The following ATG13 variants were observed in gnomAD, a reference collection of about 807,000 sequenced individuals.
ATG13 encodes autophagy related 13.
In ATG13, 23 loss-of-function variants were observed where a neutral mutation model predicts 65.5. That is an observed-to-expected ratio of 0.35 (90% CI 0.25 to 0.50). The LOEUF (loss-of-function observed/expected upper bound fraction) is 0.50, where lower values mean the gene tolerates loss of function less well. Ranked by LOEUF, ATG13 falls within the 20% of genes least tolerant of loss-of-function variation. The pLI is 0.98. For missense variants in ATG13, 566 were observed against 677.0 expected, an observed-to-expected ratio of 0.84 and a Z score of 1.82; for synonymous variants, 252 against 245.2, an observed-to-expected ratio of 1.03 and a Z score of -0.26.
intron 1 of ATG13, chr11:46,618,182 G>A (rs2045960723): frequency 9.4e-6 from 3 of 320,478 alleles, no homozygotes; most frequent in Non-Finnish European, 1.7e-5. Flanking sequence ...TAACTCCGGG[G>A]TTGGGTGCCA....
Position 46,656,230 on chromosome 11 carries a change from C to T in ATG13, c.459-3C>T. The T allele has an allele frequency of 6.2e-7, 1 of 1,612,038 alleles. No homozygotes were observed. The highest frequency in any genetic ancestry group is 8.5e-7 in the Non-Finnish European group (1 of 1,178,318). ...AACATTTCTTATTTTTTCTTCCATA[C>T]AGGATATATTTTGGAGAAGTTCAGC... On this transcript the variant is annotated splice_polypyrimidine_tract_variant and splice_region_variant and intron_variant, in intron 7 of 18. Transcript: ENST00000683050.
Position 46,665,415 on chromosome 11 carries a change from C to A in ATG13, c.1032C>A (p.Pro344=), listed in dbSNP as rs1404552845. 6.2e-7 allele frequency: 1 copy of A among 1,614,138 alleles called. No homozygotes were observed. Among genetic ancestry groups the A allele is most frequent in the Non-Finnish European group, 8.5e-7 (1 of 1,180,016 alleles). Residue 344 remains proline, a synonymous_variant, in exon 14 of 19, where the codon CCC becomes CCA. Coordinates refer to ENST00000683050, the MANE Select transcript of ATG13 (RefSeq NM_001346311.2). ...LMVPGKEGGV[P]LAPNQPVHGT... Reference sequence around the variant, plus strand: ...TTCCTGGGAAGGAAGGTGGGGTACCCCTTGCTCCCAACCAGCCTGTCCATG... The same window carrying A: ...TTCCTGGGAAGGAAGGTGGGGTACCACTTGCTCCCAACCAGCCTGTCCATG...
Position 46,672,974 on chromosome 11 carries a change from A to G in ATG13, c.*642A>G. 2.7e-6 allele frequency: 1 copy of G among 376,096 alleles called. No homozygotes were observed. The highest frequency in any genetic ancestry group is 4.5e-6 in the Non-Finnish European group (1 of 222,014). 23.3% of individuals were successfully genotyped at this position (376,096 alleles called of 1,614,324 possible). A position where few individuals can be genotyped will look rare whatever the true frequency, so the allele number is the denominator to read the frequency against. Reference sequence around the variant, plus strand: ...CCCTGAAGGTCGGGAGGGTCTGAGCAGCCCTGGTGGCTGCCTGTGCTCAGG... The same window carrying G: ...CCCTGAAGGTCGGGAGGGTCTGAGCGGCCCTGGTGGCTGCCTGTGCTCAGG... On this transcript the variant is annotated 3_prime_UTR_variant, in exon 19 of 19. Transcript: ENST00000683050.
chr11:46,657,646 TCC>T lies in ATG13; in HGVS notation c.695+26_695+27del, dbSNP rs1438672172. 3.2e-6 allele frequency: 5 copies of T among 1,549,682 alleles called. No homozygotes were observed. In the African/African-American group the frequency reaches 6.8e-5, roughly 21 times the overall value. On this transcript the variant is annotated intron_variant, in intron 10 of 18. Coordinates refer to ENST00000683050, the MANE Select transcript of ATG13 (RefSeq NM_001346311.2). The stretch of plus-strand genomic sequence containing the variant: ...AGGTGAGGAATGTGAAAAGGTGCTC[TCC>T]CAAACTGCAGCTGGGCAGAAGCATC...
At position 46,668,926 on chromosome 11, in the gene ATG13, C is replaced by T. The variant is rs755363274; in HGVS notation, c.1446+16C>T. On this transcript the variant is annotated intron_variant, in intron 17 of 18. Transcript: ENST00000683050. ...GATAGACTTTGTAAGTCGCCGTCAC[C>T]TTCCTTGACCTTTGCTGTCCCGGGG... 212 of 1,582,558 alleles carry T rather than the reference C, an allele frequency of 1.3e-4. No homozygotes were observed. The highest frequency in any genetic ancestry group is 1.6e-4 in the Non-Finnish European group (190 of 1,153,392).
Position 46,657,592 on chromosome 11 carries a change from GCTC to G in ATG13, c.669_671del (p.Ser224del), listed in dbSNP as rs759627522. The G allele has an allele frequency of 6.8e-6, 11 of 1,610,800 alleles. No individual in the cohort carries two copies. The highest frequency in any genetic ancestry group is 9.3e-6 in the Non-Finnish European group (11 of 1,178,550). On this transcript the variant is annotated inframe_deletion, in exon 10 of 19. Coordinates refer to ENST00000683050, the MANE Select transcript of ATG13 (RefSeq NM_001346311.2). Reference sequence around the variant, plus strand: ...CACTTTGTGGACCGTCCCTATCCCAGCTCCTCTCCCATGCACCCCTGCAATTAC... The same window carrying G: ...CACTTTGTGGACCGTCCCTATCCCAGCTCTCCCATGCACCCCTGCAATTAC...
At position 46,665,458 on chromosome 11, in the gene ATG13, G is replaced by A. The variant is rs772180720; in HGVS notation, c.1075G>A (p.Glu359Lys). The change falls in exon 14 of 19, where the codon GAG becomes AAG. Residue 359 changes from glutamate (E) to lysine (K), a missense_variant. Glu to Lys is a moderately conservative substitution (Grantham distance 56). Around this residue, in one of 2 missense-constraint regions of ATG13, gnomAD observed 387 missense variants for 409.8 expected, o/e 0.94. Transcript: ENST00000683050. Reference sequence around the variant, plus strand: ...TGTCCATGGTACCCAGGCTGACCAGGAGAGACTGGCAACCTGCACCCCTTC... The same window carrying A: ...TGTCCATGGTACCCAGGCTGACCAGAAGAGACTGGCAACCTGCACCCCTTC... Reference protein sequence around the residue: ...QPVHGTQADQERLATCTPSDR... With the variant: ...QPVHGTQADQKRLATCTPSDR... 1.9e-6 allele frequency: 3 copies of A among 1,614,220 alleles called. No individual in the cohort carries two copies. The highest frequency in any genetic ancestry group is 1.7e-6 in the Non-Finnish European group (2 of 1,180,024).
At position 46,672,727 on chromosome 11, in the gene ATG13, T is replaced by C; in HGVS notation, c.*395T>C. 7.4e-7 allele frequency: 1 copy of C among 1,354,130 alleles called. No individual in the cohort carries two copies. Among genetic ancestry groups the C allele is most frequent in the Non-Finnish European group, 9.7e-7 (1 of 1,025,792 alleles). The allele number at this position is 1,354,130 out of a possible 1,614,324, so 83.9% of individuals were successfully genotyped here. A position where few individuals can be genotyped will look rare whatever the true frequency, so the allele number is the denominator to read the frequency against. On this transcript the variant is annotated 3_prime_UTR_variant, in exon 19 of 19. Coordinates refer to ENST00000683050, the MANE Select transcript of ATG13 (RefSeq NM_001346311.2). The stretch of plus-strand genomic sequence containing the variant: ...CTGCCTGCTGTCACCATCCACTGTT[T>C]GACATTCCAGCTGGTGGCCAAGAGA...
intron 11 of ATG13, among the ~76,000 whole-genome samples, chr11:46,660,397 T>TC (rs2060906799): frequency 6.6e-6 from 1 of 151,204 alleles, no homozygotes; most frequent in Non-Finnish European, 1.5e-5. Context: ...TTTTTTTTTT[T>TC]TTTCAATTTT....
chr11:46,645,845 T>C, intron 4 of ATG13, 25 bp from the exon 5 acceptor site: 2 of 1,613,746 alleles, frequency 1.2e-6, no homozygotes, highest in Non-Finnish European at 1.7e-6. Context: ...GAGTGTTTCA[T>C]GCAAAAGTCC....
intron 8 of ATG13, chr11:46,656,546 A>C: frequency 3.1e-6 from 1 of 325,312 alleles, no homozygotes; most frequent in Non-Finnish European, 5.6e-6. Context: ...AGGATGTTAA[A>C]TGTTTCTGAT....
chr11:46,653,349 T>G (rs1250238556), intron 7 of ATG13, among the ~76,000 whole-genome samples: 6 of 151,758 alleles, frequency 4.0e-5, no homozygotes, highest in African/African-American at 1.4e-4. Context: ...AATTTTTGTA[T>G]TTTAATTAGA....
intron 11 of ATG13, among the ~76,000 whole-genome samples, chr11:46,660,634 T>C (rs1422299172): frequency 1.3e-5 from 2 of 151,778 alleles, no homozygotes; most frequent in African/African-American, 4.8e-5. Context: ...GGTCTCGATC[T>C]CCTGACCTCA....
intron 7 of ATG13, among the ~76,000 whole-genome samples, chr11:46,653,993 G>A (rs1367574465): frequency 6.6e-6 from 1 of 151,514 alleles, no homozygotes; most frequent in Non-Finnish European, 1.5e-5. Flanking sequence ...CAAACTTTTT[G>A]CTAATATAGA....
chr11:46,627,559 C>T (rs981134165), intron 1 of ATG13, among the ~76,000 whole-genome samples: 1 of 151,944 alleles, frequency 6.6e-6, no homozygotes, highest in Non-Finnish European at 1.5e-5. Context: ...CGACCTTCGC[C>T]TCCTGGGTTC....
rs577725139 is a variant in ATG13, at chr11:46,672,574, C to T, written c.*242C>T. On this transcript the variant is annotated 3_prime_UTR_variant, in exon 19 of 19. Transcript: ENST00000683050. ...TGGCCTTGGAGATGGGAAGAACCTT[C>T]GTACGAAAAAGCCCTCAGCAGGGCC... 1.5e-5 allele frequency: 21 copies of T among 1,424,966 alleles called. No individual in the cohort carries two copies. The East Asian group carries it at 2.9e-4, about 20-fold the overall frequency. The allele number at this position is 1,424,966 out of a possible 1,614,324, so 88.3% of individuals were successfully genotyped here. A position where few individuals can be genotyped will look rare whatever the true frequency, so the allele number is the denominator to read the frequency against.
chr11:46,625,559 G>T (rs1418985593), intron 1 of ATG13: 1 of 151,966 alleles, frequency 6.6e-6, no homozygotes, highest in East Asian at 1.9e-4. Context: ...TCACTGGGCT[G>T]GCCAAGGCAT....
rs561192413 is a variant in ATG13, at chr11:46,669,666, TCACTCTTGAGATTGGCA to T, written c.1575+135_1575+151del. On this transcript the variant is annotated intron_variant, in intron 18 of 18. Transcript: ENST00000683050. ...ACATAATTAGAAAATTATCTTTTGATCACTCTTGAGATTGGCATTGTGCCCAGCAGTCATTATCTGGA... is the reference window on the plus strand; with the variant it reads ...ACATAATTAGAAAATTATCTTTTGATTTGTGCCCAGCAGTCATTATCTGGA... 2,576 of 1,175,516 alleles carry T rather than the reference TCACTCTTGAGATTGGCA, an allele frequency of 2.2e-3. 6 individuals are homozygous for T. The highest frequency in any genetic ancestry group is 2.8e-3 in the Non-Finnish European group (2,362 of 850,850). The allele number at this position is 1,175,516 out of a possible 1,614,324, so 72.8% of individuals were successfully genotyped here.
intron 12 of ATG13, 43 bp downstream of exon 12, chr11:46,664,138 C>T: frequency 7.4e-7 from 1 of 1,347,276 alleles, no homozygotes; most frequent in South Asian, 1.2e-5. Flanking sequence ...CAGATGGCAT[C>T]CTTTTATTTA....
Sources: allele counts gnomAD v4.1 joint callset (sites outside exome capture counted in the v4.1 genomes callset), GRCh38; gene constraint gnomAD v4.1.1; regional missense constraint gnomAD v4.1.1; transcripts MANE v1.5; gene names NCBI Gene and HGNC (gene_info 2026-07-23, HGNC 2026-07-21).